The following IMMP2L variants were observed in gnomAD, a reference collection of about 807,000 sequenced individuals.
The protein encoded by IMMP2L is inner mitochondrial membrane peptidase subunit 2.
A neutral mutation model predicts 19.3 loss-of-function variants in IMMP2L; 18 were observed. The observed-to-expected ratio is 0.93, with a 90% CI of 0.64 to 1.38. IMMP2L has a LOEUF of 1.38. Ranked by LOEUF, IMMP2L falls within the 40% of genes most tolerant of loss-of-function variation. The pLI, the probability that IMMP2L is intolerant of heterozygous loss-of-function variation, is 0.00. For missense variants in IMMP2L, 233 were observed against 218.2 expected, an observed-to-expected ratio of 1.07 and a Z score of -0.43; for synonymous variants, 76 against 73.0, an observed-to-expected ratio of 1.04 and a Z score of -0.21.
At chr7:111,084,651 G>A (rs1202510083) in intron 3 of IMMP2L, among the ~76,000 whole-genome samples, 1 of 152,164 alleles carries the variant, frequency 6.6e-6, no homozygotes, top group East Asian at 1.9e-4. Flanking sequence ...AACCCACAAT[G>A]ACAAGAGACA....
intron 3 of IMMP2L, among the ~76,000 whole-genome samples, chr7:111,463,616 C>A (rs571292413): frequency 2.0e-5 from 3 of 152,110 alleles, no homozygotes; most frequent in Non-Finnish European, 4.4e-5. Context: ...AGCCCCGCTC[C>A]CATAATTCTA....
At chr7:111,096,945 CA>C (rs1181262500) in intron 3 of IMMP2L, 1 of 151,804 alleles carries the variant, frequency 6.6e-6, no homozygotes, top group East Asian at 1.9e-4. Context: ...TTGTGTCTGT[CA>C]AAAGTAATAT....
At chr7:110,889,126 C>T (rs1345327627) in intron 4 of IMMP2L, among the ~76,000 whole-genome samples, 1 of 152,188 alleles carries the variant, frequency 6.6e-6, no homozygotes, top group Non-Finnish European at 1.5e-5. Flanking sequence ...CATACCCTAA[C>T]TCAGCAGTCC....
chr7:111,502,309 G>C (rs1844365935), intron 2 of IMMP2L, among the ~76,000 whole-genome samples: 1 of 152,078 alleles, frequency 6.6e-6, no homozygotes, highest in East Asian at 1.9e-4. Context: ...GGAGCACCCA[G>C]GTTCATAAAG....
intron 5 of IMMP2L, among the ~76,000 whole-genome samples, chr7:110,768,976 T>A (rs1046410286): frequency 2.6e-5 from 4 of 152,146 alleles, no homozygotes; most frequent in Non-Finnish European, 5.9e-5. Context: ...AATGGAAACA[T>A]GCACAGAATT....
intron 5 of IMMP2L, among the ~76,000 whole-genome samples, chr7:110,817,991 A>T (rs1245753361): frequency 1.3e-5 from 2 of 152,136 alleles, no homozygotes; most frequent in Admixed American, 1.3e-4. Flanking sequence ...TACATGTTAG[A>T]CCTAAAACCA....
At chr7:110,772,730 T>C (rs1164197658) in intron 5 of IMMP2L, among the ~76,000 whole-genome samples, 1 of 152,150 alleles carries the variant, frequency 6.6e-6, no homozygotes, top group Non-Finnish European at 1.5e-5. Context: ...TAGGACCAAG[T>C]TGGTCTTGAC....
chr7:110,965,767 CT>C (rs1227207864), intron 3 of IMMP2L, among the ~76,000 whole-genome samples: 1 of 151,892 alleles, frequency 6.6e-6, no homozygotes, highest in African/African-American at 2.4e-5. Flanking sequence ...TATTAAAACA[CT>C]TTCTTACTAT....
chr7:110,823,454 T>A (rs1803209368), intron 5 of IMMP2L, among the ~76,000 whole-genome samples: 1 of 151,976 alleles, frequency 6.6e-6, no homozygotes, highest in Admixed American at 6.6e-5. Flanking sequence ...AAAAATTATA[T>A]AATAATATAT....
At chr7:110,767,424 C>T (rs577462446) in intron 5 of IMMP2L, among the ~76,000 whole-genome samples, 1 of 152,198 alleles carries the variant, frequency 6.6e-6, no homozygotes, top group Non-Finnish European at 1.5e-5. Context: ...AGGATTTTAA[C>T]GTTAACTCTC....
At chr7:110,801,898 T>C (rs1344863547) in intron 5 of IMMP2L, among the ~76,000 whole-genome samples, 1 of 152,048 alleles carries the variant, frequency 6.6e-6, no homozygotes, top group African/African-American at 2.4e-5. Flanking sequence ...CTGACAGCTA[T>C]GGGAGGTAGG....
chr7:110,856,435 G>A (rs1169498796), intron 5 of IMMP2L, among the ~76,000 whole-genome samples: 1 of 151,950 alleles, frequency 6.6e-6, no homozygotes, highest in African/African-American at 2.4e-5. Flanking sequence ...CAATCTCCTC[G>A]AACATGCTAC....
At chr7:110,741,145 C>T (rs115218402) in intron 5 of IMMP2L, among the ~76,000 whole-genome samples, 22,684 of 152,076 alleles carry the variant, frequency 0.15, 1,899 homozygotes, top group South Asian at 0.31. Flanking sequence ...TGGAATACTA[C>T]TCAGCCTTAA....
At chr7:111,387,503 A>T (rs149168870) in intron 3 of IMMP2L, among the ~76,000 whole-genome samples, 2 of 152,264 alleles carry the variant, frequency 1.3e-5, no homozygotes, top group East Asian at 3.9e-4. Flanking sequence ...CCAAAAAATA[A>T]ATCCAAAAGA....
chr7:110,963,196 AAT>A, intron 4 of IMMP2L: 1 of 832,716 alleles, frequency 1.2e-6, no homozygotes. Flanking sequence ...TTAATCTTAA[AAT>A]AGTCATGCTA....
At chr7:111,339,040 G>A (rs966978910) in intron 3 of IMMP2L, among the ~76,000 whole-genome samples, 1 of 151,910 alleles carries the variant, frequency 6.6e-6, no homozygotes, top group Non-Finnish European at 1.5e-5. Flanking sequence ...CTAAATTACT[G>A]TAAAAACACT....
chr7:111,273,221 G>A (rs1818666964), intron 3 of IMMP2L, among the ~76,000 whole-genome samples: 2 of 151,976 alleles, frequency 1.3e-5, no homozygotes, highest in South Asian at 4.2e-4. Flanking sequence ...AGGTTGCAGT[G>A]AGCCGAGATC....
chr7:110,732,116 G>A (rs966909828), intron 5 of IMMP2L, among the ~76,000 whole-genome samples: 5 of 152,168 alleles, frequency 3.3e-5, no homozygotes, highest in Non-Finnish European at 7.3e-5. Context: ...ATGTATGACG[G>A]TGAAGTTCAA....
Position 111,549,815 on chromosome 7 carries a change from C to T in IMMP2L, c.-3+12036G>A, listed in dbSNP as rs117406949. On this transcript the variant is annotated intron_variant, in intron 1 of 5. Transcript: ENST00000405709. ...GATTAGCCAGACATGGTAACACATG[C>T]CTGTAATCCCAGCTACTTGGGAGGC... 9.1e-3 allele frequency among the ~76,000 whole-genome samples: 1,384 copies of T among 152,054 alleles called. 9 individuals carry two copies. The highest frequency in any genetic ancestry group is 0.016 in the Non-Finnish European group (1,091 of 67,976).
Sources: allele counts gnomAD v4.1 joint callset (sites outside exome capture counted in the v4.1 genomes callset), GRCh38; gene constraint gnomAD v4.1.1; transcripts MANE v1.5; gene names NCBI Gene and HGNC (gene_info 2026-07-23, HGNC 2026-07-21).